The following TRIO variants were observed in gnomAD, a reference collection of about 807,000 sequenced individuals.
TRIO encodes triple functional domain protein.
In TRIO, 58 loss-of-function variants were observed where a neutral mutation model predicts 351.9. That is an observed-to-expected ratio of 0.16 (90% CI 0.13 to 0.21). The LOEUF (loss-of-function observed/expected upper bound fraction) is 0.21, where lower values mean the gene tolerates loss of function less well. Among genes scored for constraint, TRIO ranks in the 10% least tolerant of loss-of-function variants. The pLI is 1.00. For missense variants in TRIO, 3,201 were observed against 4,027.8 expected (o/e 0.79, Z 5.56); for synonymous variants, 1,758 against 1,595.7 (o/e 1.10, Z -2.42).
chr5:14,322,096 G>A (rs561848083), intron 9 of TRIO, among the ~76,000 whole-genome samples: 21 of 152,254 alleles, frequency 1.4e-4, no homozygotes, highest in African/African-American at 3.9e-4. Context: ...GAGTAAGAAC[G>A]TGAGGACCAC....
intron 34 of TRIO, among the ~76,000 whole-genome samples, chr5:14,421,404 A>G (rs1750144251): frequency 2.6e-5 from 4 of 151,640 alleles, no homozygotes; most frequent in African/African-American, 9.7e-5. Flanking sequence ...AAAAGTTCGG[A>G]CCAGCCTGAC....
chr5:14,357,261 G>A (rs1362344205), intron 11 of TRIO, among the ~76,000 whole-genome samples: 2 of 152,216 alleles, frequency 1.3e-5, no homozygotes, highest in Admixed American at 6.5e-5. Flanking sequence ...CAGCTGAGCC[G>A]GCTGTCCCCA....
At position 14,368,902 on chromosome 5, in the gene TRIO, CAG is replaced by C. The variant is rs1488877818; in HGVS notation, c.3066+4_3066+5del. On this transcript the variant is annotated splice_donor_5th_base_variant and intron_variant, in intron 17 of 56. Transcript: ENST00000344204. ...CTTTCTACAAAACCTCAGAGCAGGT[CAG>C]GGGAGAGGTTCCCTTCCTTGAACTC... The C allele has an allele frequency of 9.9e-6, 16 of 1,611,558 alleles. No homozygotes were observed. Among genetic ancestry groups the C allele is most frequent in the East Asian group, 2.2e-5 (1 of 44,786 alleles).
chr5:14,294,167 CAG>C (rs1489898703), intron 6 of TRIO, among the ~76,000 whole-genome samples: 8 of 152,090 alleles, frequency 5.3e-5, no homozygotes, highest in Admixed American at 1.3e-4. Context: ...GCTTGGGTGA[CAG>C]AGCAAGACCT....
intron 8 of TRIO, among the ~76,000 whole-genome samples, chr5:14,306,060 A>G (rs1466357677): frequency 2.6e-5 from 4 of 151,870 alleles, no homozygotes; most frequent in African/African-American, 9.7e-5. Flanking sequence ...TCACACAAGG[A>G]CGAAATTGCC....
intron 1 of TRIO, among the ~76,000 whole-genome samples, chr5:14,166,398 T>A (rs1248985847): frequency 1.3e-5 from 2 of 152,260 alleles, no homozygotes; most frequent in Non-Finnish European, 2.9e-5. Flanking sequence ...CATTTTATGG[T>A]GATCTTAATA....
intron 37 of TRIO, among the ~76,000 whole-genome samples, chr5:14,467,581 C>T (rs563685235): frequency 1.2e-4 from 18 of 152,020 alleles, no homozygotes; most frequent in South Asian, 4.2e-4. Context: ...TTTAGGAGGC[C>T]AAGGCAGGCA....
chr5:14,324,703 G>T (rs1398463187), intron 9 of TRIO, among the ~76,000 whole-genome samples: 1 of 152,158 alleles, frequency 6.6e-6, no homozygotes, highest in Admixed American at 6.5e-5. Flanking sequence ...TTGCTTAATA[G>T]AAATAATGAT....
At chr5:14,415,039 T>C (rs140469982) in intron 33 of TRIO, among the ~76,000 whole-genome samples, 7 of 152,324 alleles carry the variant, frequency 4.6e-5, no homozygotes, top group Non-Finnish European at 8.8e-5. Flanking sequence ...TTTGGCCTAC[T>C]CTGTGTGAAA....
At chr5:14,457,290 C>T (rs192802091) in intron 34 of TRIO, among the ~76,000 whole-genome samples, 1 of 148,718 alleles carries the variant, frequency 6.7e-6, no homozygotes, top group Non-Finnish European at 1.5e-5. Context: ...AGAACTGCTG[C>T]TTCTCATCAA....
At chr5:14,317,579 G>C (rs1248361346) in intron 9 of TRIO, among the ~76,000 whole-genome samples, 2 of 152,230 alleles carry the variant, frequency 1.3e-5, no homozygotes, top group African/African-American at 2.4e-5. Context: ...TGAGTTTTCT[G>C]CTGAATGGGC....
chr5:14,481,718 C>T, intron 45 of TRIO, 100 bp downstream of exon 45: 3 of 1,126,836 alleles, frequency 2.7e-6, no homozygotes, highest in Non-Finnish European at 3.8e-6. Flanking sequence ...ATCCTTTTCA[C>T]TTGGTTTTCT....
At chr5:14,318,271 C>A (rs1475841884) in intron 9 of TRIO, among the ~76,000 whole-genome samples, 2 of 95,286 alleles carry the variant, frequency 2.1e-5, no homozygotes, top group Admixed American at 2.4e-4. Flanking sequence ...TCCAGCAAGA[C>A]TCTATCTCAA....
intron 18 of TRIO, among the ~76,000 whole-genome samples, chr5:14,372,322 A>G (rs913650632): frequency 3.3e-5 from 5 of 151,368 alleles, no homozygotes; most frequent in African/African-American, 9.7e-5. Flanking sequence ...TGTACTTCCT[A>G]TGGGATTACT....
chr5:14,488,311 C>T (rs1179759081), intron 48 of TRIO, 51 bp downstream of exon 48: 13 of 1,514,610 alleles, frequency 8.6e-6, no homozygotes, highest in Non-Finnish European at 1.1e-5. Context: ...CTCTGTCCCG[C>T]CAGCTCTAAA....
intron 33 of TRIO, 33 bp from the exon 34 acceptor site, chr5:14,419,745 C>G: frequency 1.2e-6 from 2 of 1,608,888 alleles, no homozygotes; most frequent in South Asian, 2.2e-5. Context: ...CTCACACTGG[C>G]TGACCTGTCC....
chr5:14,295,757 C>T (rs906155489), intron 6 of TRIO, among the ~76,000 whole-genome samples: 5 of 152,188 alleles, frequency 3.3e-5, no homozygotes, highest in Non-Finnish European at 7.3e-5. Flanking sequence ...CCAGTTAGAG[C>T]GTTAATGCCA....
At chr5:14,200,819 A>G (rs1246468380) in intron 1 of TRIO, among the ~76,000 whole-genome samples, 3 of 152,236 alleles carry the variant, frequency 2.0e-5, no homozygotes, top group African/African-American at 7.2e-5. Context: ...CATATAAACA[A>G]ATCACTGGCT....
chr5:14,143,550 G>A lies in TRIO; in HGVS notation c.-176G>A, dbSNP rs1193470827. Among the ~76,000 whole-genome samples, 1 of 146,894 alleles carries A rather than the reference G, an allele frequency of 6.8e-6. No homozygotes were observed. The highest frequency in any genetic ancestry group is 2.4e-5 in the African/African-American group (1 of 40,852). Reference sequence around the variant, plus strand: ...GGGCGGAGTCCTCGTCTATGTGGGCGCGCTCCTTGGGCCGAGCCGCCGCCG... The same window carrying A: ...GGGCGGAGTCCTCGTCTATGTGGGCACGCTCCTTGGGCCGAGCCGCCGCCG... On this transcript the variant is annotated 5_prime_UTR_variant, in exon 1 of 57. Transcript: ENST00000344204.
Sources: allele counts gnomAD v4.1 joint callset (sites outside exome capture counted in the v4.1 genomes callset), GRCh38; gene constraint gnomAD v4.1.1; transcripts MANE v1.5; gene names NCBI Gene and HGNC (gene_info 2026-07-23, HGNC 2026-07-21).